Variants in RCAN2 observed in about 807,000 individuals in gnomAD.
The protein encoded by RCAN2 is calcipressin-2.
RCAN2 carries 9 observed loss-of-function variants against 23.6 expected under a neutral mutation model. That is an observed-to-expected ratio of 0.38 (90% CI 0.23 to 0.67). The LOEUF (loss-of-function observed/expected upper bound fraction) is 0.67. Among genes scored for constraint, RCAN2 ranks in the 30% least tolerant of loss-of-function variants. RCAN2 has a pLI of 0.51. For missense variants in RCAN2, 273 were observed against 302.3 expected, an observed-to-expected ratio of 0.90 and a Z score of 0.72; for synonymous variants, 109 against 115.7, an observed-to-expected ratio of 0.94 and a Z score of 0.37.
chr6:46,411,361 C>A (rs1345966628), intron 2 of RCAN2, among the ~76,000 whole-genome samples: 2 of 152,102 alleles, frequency 1.3e-5, no homozygotes, highest in Non-Finnish European at 2.9e-5. Context: ...TCAATGGGTA[C>A]AGAGTTTCAG....
At chr6:46,227,700 G>T (rs557855547) in intron 4 of RCAN2, among the ~76,000 whole-genome samples, 105 of 151,682 alleles carry the variant, frequency 6.9e-4, no homozygotes, top group Non-Finnish European at 1.2e-3. Context: ...CTTGCTAGTG[G>T]TCTATCAATT....
intron 2 of RCAN2, among the ~76,000 whole-genome samples, chr6:46,412,128 C>A (rs920638251): frequency 6.6e-6 from 1 of 151,944 alleles, no homozygotes; most frequent in South Asian, 2.1e-4. Flanking sequence ...GAAATTTGAT[C>A]CAGGATTTAT....
intron 2 of RCAN2, among the ~76,000 whole-genome samples, chr6:46,298,429 G>C (rs1762789632): frequency 6.6e-6 from 1 of 152,060 alleles, no homozygotes; most frequent in African/African-American, 2.4e-5. Context: ...TGAGAGAACT[G>C]CCTTAGGCTT....
rs181352815 is a variant in RCAN2, at chr6:46,388,554, T to A, written c.225+68198A>T. 3.1e-3 allele frequency among the ~76,000 whole-genome samples: 475 copies of A among 152,274 alleles called. 2 individuals are homozygous for A. The highest frequency in any genetic ancestry group is 0.011 in the African/African-American group (456 of 41,538). On this transcript the variant is annotated intron_variant, in intron 2 of 4. Coordinates refer to ENST00000371374, the MANE Select transcript of RCAN2 (RefSeq NM_001251974.2). ...CAAAGACATGCAATCAACCTTAATG[T>A]CCATCAATGATAGACTGGATAAAGA...
chr6:46,415,463 C>T (rs1458175095), intron 2 of RCAN2, among the ~76,000 whole-genome samples: 1 of 152,102 alleles, frequency 6.6e-6, no homozygotes, highest in East Asian at 1.9e-4. Flanking sequence ...TAGTCCCAGA[C>T]CTGTGAGCAT....
At chr6:46,334,027 G>C (rs1204708380) in intron 2 of RCAN2, among the ~76,000 whole-genome samples, 1 of 152,148 alleles carries the variant, frequency 6.6e-6, no homozygotes, top group African/African-American at 2.4e-5. Flanking sequence ...TCTCACCTCA[G>C]GGCCTTTGCG....
At chr6:46,227,483 G>T (rs1453239918) in intron 4 of RCAN2, among the ~76,000 whole-genome samples, 1 of 152,048 alleles carries the variant, frequency 6.6e-6, no homozygotes, top group African/African-American at 2.4e-5. Context: ...GGTCTATTCA[G>T]GGATTCAACT....
At chr6:46,245,027 T>G (rs1188626353) in intron 4 of RCAN2, among the ~76,000 whole-genome samples, 1 of 152,220 alleles carries the variant, frequency 6.6e-6, no homozygotes, top group Non-Finnish European at 1.5e-5. Context: ...TTATACACTG[T>G]GCAGTGTTTA....
intron 2 of RCAN2, among the ~76,000 whole-genome samples, chr6:46,343,375 A>ATTTTT (rs3084618): frequency 0.016 from 2,122 of 135,642 alleles, 85 homozygotes; most frequent in South Asian, 0.037. Context: ...TGGGAAAACA[A>ATTTTT]TTTTTTTTTT....
chr6:46,470,366 T>C (rs1768524565), intron 1 of RCAN2, among the ~76,000 whole-genome samples: 1 of 152,216 alleles, frequency 6.6e-6, no homozygotes, highest in African/African-American at 2.4e-5. Context: ...TAAAACTGGA[T>C]AAACAGCCAA....
At chr6:46,397,223 T>G (rs1307051843) in intron 2 of RCAN2, among the ~76,000 whole-genome samples, 1 of 152,156 alleles carries the variant, frequency 6.6e-6, no homozygotes, top group Non-Finnish European at 1.5e-5. Context: ...AATATAGAGA[T>G]AGAAATAGAT....
At chr6:46,246,960 G>T (rs759534622) in intron 3 of RCAN2, 41 bp from the exon 4 acceptor site, 1 of 1,443,354 alleles carries the variant, frequency 6.9e-7, no homozygotes, top group Non-Finnish European at 9.2e-7. Context: ...ATTCATCATG[G>T]CTTCAGATGT....
intron 2 of RCAN2, among the ~76,000 whole-genome samples, chr6:46,392,976 A>G (rs1331655537): frequency 2.6e-5 from 4 of 152,224 alleles, no homozygotes; most frequent in African/African-American, 9.6e-5. Flanking sequence ...TCAAAAATAT[A>G]AAGGCCATTT....
chr6:46,230,748 G>C (rs761899116), intron 4 of RCAN2, among the ~76,000 whole-genome samples: 1 of 152,128 alleles, frequency 6.6e-6, no homozygotes, highest in Non-Finnish European at 1.5e-5. Context: ...GCCCCACCCT[G>C]CTCTGTGGGC....
At chr6:46,405,046 G>A (rs150125502) in intron 2 of RCAN2, among the ~76,000 whole-genome samples, 8 of 152,320 alleles carry the variant, frequency 5.3e-5, no homozygotes, top group East Asian at 1.9e-4. Context: ...AGATGAAAGC[G>A]TGTCCAGAAT....
At chr6:46,362,684 T>G (rs1342826102) in intron 2 of RCAN2, among the ~76,000 whole-genome samples, 2 of 152,134 alleles carry the variant, frequency 1.3e-5, no homozygotes, top group Non-Finnish European at 2.9e-5. Flanking sequence ...CTAAGGAAAG[T>G]CAGGATGATG....
At chr6:46,453,495 C>A (rs1013919784) in intron 2 of RCAN2, among the ~76,000 whole-genome samples, 3 of 152,308 alleles carry the variant, frequency 2.0e-5, no homozygotes, top group African/African-American at 7.2e-5. Context: ...CAACACAAAG[C>A]TGTTTTTTAA....
chr6:46,463,242 G>T (rs189836258), intron 1 of RCAN2, among the ~76,000 whole-genome samples: 1 of 152,186 alleles, frequency 6.6e-6, no homozygotes, highest in African/African-American at 2.4e-5. Flanking sequence ...ATAAGAAAAA[G>T]CATACGAAGC....
At chr6:46,366,346 T>A (rs946571162) in intron 2 of RCAN2, among the ~76,000 whole-genome samples, 1 of 152,144 alleles carries the variant, frequency 6.6e-6, no homozygotes, top group African/African-American at 2.4e-5. Context: ...TATCCAGGCA[T>A]CTTCCTGACA....
Sources: gnomAD v4.1 joint callset for allele counts (sites outside exome capture counted in the v4.1 genomes callset) on GRCh38, gnomAD v4.1.1 for gene constraint, MANE v1.5 for transcripts, NCBI Gene and HGNC (gene_info 2026-07-23, HGNC 2026-07-21) for gene names.